ASTN2: variants seen among roughly 807,000 people sequenced by gnomAD.
ASTN2 encodes astrotactin-2.
ASTN2 carries 54 observed loss-of-function variants against 139.8 expected under a neutral mutation model. The observed-to-expected ratio is 0.39, with a 90% confidence interval of 0.31 to 0.48. The LOEUF is 0.48. ASTN2 is among the 20% of genes least tolerant of loss of function. ASTN2 has a pLI of 0.95. For missense variants in ASTN2, 1,565 were observed against 1,725.1 expected (o/e 0.91, Z 1.64); for synonymous variants, 756 against 719.5 (o/e 1.05, Z -0.81).
At chr9:116,687,201 G>C in intron 16 of ASTN2, 1 of 1,015,356 alleles carries the variant, frequency 9.8e-7, no homozygotes, top group Non-Finnish European at 1.2e-6. Flanking sequence ...GGGCCGCCTT[G>C]CCCCGCGCGC....
chr9:116,655,989 A>C (rs1185109294), intron 16 of ASTN2, among the ~76,000 whole-genome samples: 2 of 152,002 alleles, frequency 1.3e-5, no homozygotes, highest in Non-Finnish European at 2.9e-5. Context: ...CAGCCTCCCA[A>C]AGTGCTGGCA....
intron 17 of ASTN2, among the ~76,000 whole-genome samples, chr9:116,631,608 A>G (rs1341941824): frequency 2.0e-5 from 3 of 152,162 alleles, no homozygotes; most frequent in Non-Finnish European, 4.4e-5. Flanking sequence ...TGGTTAACAG[A>G]TACAAAAATA....
At chr9:116,963,258 G>A (rs976146843) in intron 10 of ASTN2, among the ~76,000 whole-genome samples, 4 of 152,162 alleles carry the variant, frequency 2.6e-5, no homozygotes, top group Non-Finnish European at 4.4e-5. Flanking sequence ...GGAGTAGTGT[G>A]CTAGGTACAC....
intron 10 of ASTN2, among the ~76,000 whole-genome samples, chr9:116,919,311 T>C (rs773377609): frequency 1.3e-5 from 2 of 152,232 alleles, no homozygotes; most frequent in African/African-American, 2.4e-5. Flanking sequence ...TTGCCCCTAA[T>C]TGTTGTGCGA....
At chr9:117,046,262 A>T in intron 5 of ASTN2, among the ~76,000 whole-genome samples, 1 of 152,002 alleles carries the variant, frequency 6.6e-6, no homozygotes, top group South Asian at 2.1e-4. Context: ...CAGCCTCCCA[A>T]TGTGCTAGGA....
At chr9:116,821,685 C>T (rs1831488374) in intron 11 of ASTN2, among the ~76,000 whole-genome samples, 1 of 152,052 alleles carries the variant, frequency 6.6e-6, no homozygotes, top group African/African-American at 2.4e-5. Flanking sequence ...CCTTTATAGA[C>T]AACCTAGTCC....
chr9:117,237,669 C>T (rs556092925), intron 2 of ASTN2, among the ~76,000 whole-genome samples: 1 of 152,250 alleles, frequency 6.6e-6, no homozygotes, highest in Non-Finnish European at 1.5e-5. Flanking sequence ...TTAGTAGAGA[C>T]AGGATTTCAC....
intron 19 of ASTN2, among the ~76,000 whole-genome samples, chr9:116,529,865 G>A (rs924568750): frequency 5.9e-5 from 9 of 151,914 alleles, no homozygotes; most frequent in Non-Finnish European, 1.3e-4. Flanking sequence ...GGCCTTCCCA[G>A]CCATGGGGAA....
intron 2 of ASTN2, among the ~76,000 whole-genome samples, chr9:117,250,733 T>C (rs1160721883): frequency 6.6e-6 from 1 of 152,162 alleles, no homozygotes; most frequent in African/African-American, 2.4e-5. Flanking sequence ...CAAGGTCTCA[T>C]GAGAAACACA....
chr9:116,685,448 G>C (rs769877788), intron 16 of ASTN2, among the ~76,000 whole-genome samples: 12 of 152,208 alleles, frequency 7.9e-5, no homozygotes, highest in Non-Finnish European at 1.3e-4. Context: ...CTGTCTTGAT[G>C]AATCAGCTCT....
At chr9:116,853,059 T>A (rs1832653377) in intron 11 of ASTN2, among the ~76,000 whole-genome samples, 1 of 152,192 alleles carries the variant, frequency 6.6e-6, no homozygotes, top group South Asian at 2.1e-4. Flanking sequence ...CTTCCATTTT[T>A]AAAATTACAT....
intron 3 of ASTN2, among the ~76,000 whole-genome samples, chr9:117,153,810 A>G (rs1830375747): frequency 6.6e-6 from 1 of 152,104 alleles, no homozygotes; most frequent in African/African-American, 2.4e-5. Flanking sequence ...GGCATTAGAG[A>G]CTGTTAACAC....
intron 5 of ASTN2, among the ~76,000 whole-genome samples, chr9:117,048,910 G>A (rs1278685046): frequency 1.3e-5 from 2 of 149,008 alleles, no homozygotes; most frequent in Admixed American, 6.7e-5. Flanking sequence ...AGTCCCACTA[G>A]CTGGATATGA....
At chr9:116,726,894 C>T (rs1828640276) in intron 15 of ASTN2, among the ~76,000 whole-genome samples, 1 of 152,160 alleles carries the variant, frequency 6.6e-6, no homozygotes, top group South Asian at 2.1e-4. Flanking sequence ...GTTCCAAGCT[C>T]ATCTCTAATG....
chr9:117,297,076 G>A (rs1834755083), intron 1 of ASTN2, among the ~76,000 whole-genome samples: 1 of 152,154 alleles, frequency 6.6e-6, no homozygotes, highest in Non-Finnish European at 1.5e-5. Flanking sequence ...AATTCCTGAA[G>A]GTCATTAAGA....
rs1384391190 is a variant in ASTN2 at position 116,887,409 on chromosome 9, T to C, written c.1890-23676A>G. Among the ~76,000 whole-genome samples, 3 of 151,628 alleles carry C rather than the reference T, an allele frequency of 2.0e-5. No homozygotes were observed. In the East Asian group the frequency reaches 5.9e-4, roughly 30 times the overall value. ...GCAGGATCCCCCGAGGAGAGGCTTT[T>C]GGACAGAGGGAGAAAGGGAATTCTG... On this transcript the variant is annotated intron_variant, in intron 10 of 22. Coordinates refer to ENST00000313400, the MANE Select transcript of ASTN2 (RefSeq NM_001365068.1).
chr9:116,638,877 G>A (rs575253960), intron 17 of ASTN2, among the ~76,000 whole-genome samples: 6 of 152,136 alleles, frequency 3.9e-5, no homozygotes, highest in African/African-American at 7.2e-5. Context: ...AGAAATTATC[G>A]TTCATTTAGG....
intron 17 of ASTN2, among the ~76,000 whole-genome samples, chr9:116,634,245 A>G (rs1856947210): frequency 6.6e-6 from 1 of 152,198 alleles, no homozygotes; most frequent in Non-Finnish European, 1.5e-5. Context: ...TTAAACAAAT[A>G]TTGACTAGGT....
At chr9:117,302,098 A>AG (rs371598538) in intron 1 of ASTN2, among the ~76,000 whole-genome samples, 1,226 of 31,470 alleles carry the variant, frequency 0.039, 21 homozygotes, top group African/African-American at 0.12. Flanking sequence ...TGGGGGTGGG[A>AG]GGGGGGGTGA....
Sources: allele counts gnomAD v4.1 joint callset (sites outside exome capture counted in the v4.1 genomes callset), GRCh38; gene constraint gnomAD v4.1.1; transcripts MANE v1.5; gene names NCBI Gene and HGNC (gene_info 2026-07-23, HGNC 2026-07-21).